PKHD1: variants seen among roughly 807,000 people sequenced by gnomAD.
PKHD1 encodes the protein fibrocystin.
Under a neutral mutation model 412.0 loss-of-function variants are expected in PKHD1, and 291 were observed. The ratio of observed to expected loss-of-function variants is 0.71; its 90% CI spans 0.64 to 0.78. PKHD1 has a LOEUF of 0.78. PKHD1 is among the 30% of genes least tolerant of loss of function. PKHD1 has a pLI of 0.00. For missense variants in PKHD1, 4,825 were observed against 4,950.7 expected (o/e 0.97, Z 0.76); for synonymous variants, 1,777 against 1,821.5 (o/e 0.98, Z 0.62).
intron 52 of PKHD1, among the ~76,000 whole-genome samples, chr6:51,821,781 G>A (rs1245381220): frequency 6.6e-6 from 1 of 152,118 alleles, no homozygotes; most frequent in Non-Finnish European, 1.5e-5. Flanking sequence ...CCACCTCCTG[G>A]GTTCAAGTGA....
At chr6:51,845,447 C>T (rs753492180) in intron 50 of PKHD1, among the ~76,000 whole-genome samples, 6 of 152,160 alleles carry the variant, frequency 3.9e-5, no homozygotes, top group East Asian at 1.9e-4. Flanking sequence ...AAAGATCCTA[C>T]GGGGAATCCC....
intron 16 of PKHD1, 132 bp from the exon 17 acceptor site, chr6:52,057,111 A>T (rs1474618892): frequency 1.4e-6 from 1 of 713,988 alleles, no homozygotes; most frequent in African/African-American, 1.8e-5. Flanking sequence ...CAATGCTTTA[A>T]CATTCAGAAA....
At position 52,045,001 on chromosome 6, in the gene PKHD1, C is replaced by T. The variant is rs1248469056; in HGVS notation, c.2680G>A (p.Gly894Arg). ...TGGTTGGCAGTAGCCAACATGTCTC[C>T]AAATATGGGTCCAAGAAAAACTCCA... The part of the protein sequence containing the change: ...DGGVFLGPIF[G>R]DMLATANQHT... The change falls in exon 25 of 67, where the codon GGA becomes AGA. Residue 894 changes from glycine to arginine, a missense_variant. Physicochemically the swap from Gly to Arg is moderately radical, Grantham distance 125 (BLOSUM62 -2). Transcript: ENST00000371117. 6.2e-7 allele frequency: 1 copy of T among 1,613,476 alleles called. No homozygotes were observed. The highest frequency in any genetic ancestry group is 8.5e-7 in the Non-Finnish European group (1 of 1,179,624).
rs1808115038 is a variant in PKHD1, at chr6:52,058,364, G to T, written c.1471C>A (p.His491Asn). Residue 491 changes from histidine to asparagine, a missense_variant, in exon 16 of 67, where the codon CAC becomes AAC. Coordinates refer to ENST00000371117, the MANE Select transcript of PKHD1 (RefSeq NM_138694.4). The stretch of plus-strand genomic sequence containing the variant: ...CTCTGGGCTCGGACTCGGATCTGGT[G>T]CTTCTCCCGTAGGTAAGTGGTGACC... ...DVVTTYLREK[H>N]QIRVRAQRLP... The T allele has an allele frequency of 6.2e-7, 1 of 1,614,158 alleles. No individual in the cohort carries two copies. Among genetic ancestry groups the T allele is most frequent in the Non-Finnish European group, 8.5e-7 (1 of 1,180,024 alleles).
intron 22 of PKHD1, 150 bp downstream of exon 22, chr6:52,050,007 A>G (rs1806525492): frequency 5.3e-6 from 4 of 758,860 alleles, no homozygotes; most frequent in Admixed American, 2.1e-5. Context: ...CAATACTTCC[A>G]GGTGAATCTG....
chr6:51,872,735 C>T (rs1776169968), intron 46 of PKHD1, among the ~76,000 whole-genome samples: 1 of 152,064 alleles, frequency 6.6e-6, no homozygotes, highest in Non-Finnish European at 1.5e-5. Context: ...GCCTCAAGAC[C>T]AGAAGGAGCT....
At chr6:51,644,361 C>A (rs1037268156) in intron 63 of PKHD1, among the ~76,000 whole-genome samples, 4 of 152,058 alleles carry the variant, frequency 2.6e-5, no homozygotes, top group Non-Finnish European at 5.9e-5. Flanking sequence ...GCAATGTGCA[C>A]CATATGATAG....
intron 65 of PKHD1, among the ~76,000 whole-genome samples, chr6:51,631,042 T>C (rs1037154018): frequency 2.0e-5 from 3 of 152,098 alleles, no homozygotes; most frequent in Admixed American, 6.6e-5. Context: ...AAAGTGGAGA[T>C]AGCAGAGCTT....
At chr6:51,804,092 T>C (rs1314492556) in intron 52 of PKHD1, among the ~76,000 whole-genome samples, 2 of 151,372 alleles carry the variant, frequency 1.3e-5, no homozygotes, top group Admixed American at 6.6e-5. Context: ...AAAATGATCA[T>C]GGCAAAGCCC....
chr6:52,028,248 C>T lies in PKHD1; in HGVS notation c.3468G>A (p.Ser1156=), dbSNP rs778487042. ...QDALAPVHTQ[S]AWGLEVALPP... ...GCAGTGCCACCTCCAGGCCCCAAGC[C>T]GACTGTGTGTGAACCGGAGCCAAGG... Residue 1156 remains serine (S), a synonymous_variant, in exon 30 of 67, where the codon TCG becomes TCA. Coordinates refer to ENST00000371117, the MANE Select transcript of PKHD1 (RefSeq NM_138694.4). 1.6e-5 allele frequency: 26 copies of T among 1,614,140 alleles called. No homozygotes were observed. Among genetic ancestry groups the T allele is most frequent in the African/African-American group, 1.3e-4 (10 of 75,026 alleles).
chr6:52,072,102 A>G lies in PKHD1; in HGVS notation c.602+13T>C. The stretch of plus-strand genomic sequence containing the variant: ...TACAAGCATGTGCATTGGCAAGATA[A>G]TAAGACACTCACCAGCTTCCCATCT... On this transcript the variant is annotated intron_variant, in intron 8 of 66. Coordinates refer to ENST00000371117, the MANE Select transcript of PKHD1 (RefSeq NM_138694.4). 3 of 1,531,496 alleles carry G rather than the reference A, an allele frequency of 2.0e-6. No homozygotes were observed. Among genetic ancestry groups the G allele is most frequent in the Non-Finnish European group, 2.7e-6 (3 of 1,104,718 alleles). The allele number at this position is 1,531,496 out of a possible 1,614,324, so 94.9% of individuals were successfully genotyped here.
chr6:51,987,147 A>G (rs1012947015), intron 35 of PKHD1, among the ~76,000 whole-genome samples: 4 of 152,248 alleles, frequency 2.6e-5, no homozygotes, highest in African/African-American at 9.6e-5. Context: ...GGTTGAGGGC[A>G]CAGCAGAATC....
intron 52 of PKHD1, among the ~76,000 whole-genome samples, chr6:51,796,780 G>A (rs968075262): frequency 6.6e-6 from 1 of 150,698 alleles, no homozygotes; most frequent in African/African-American, 2.4e-5. Flanking sequence ...GGAGGAGAAG[G>A]TTGTTCATTT....
At chr6:51,874,315 C>A (rs1354969776) in intron 46 of PKHD1, among the ~76,000 whole-genome samples, 1 of 152,066 alleles carries the variant, frequency 6.6e-6, no homozygotes, top group African/African-American at 2.4e-5. Context: ...GTTAATTAGA[C>A]AGAATGCTGG....
intron 19 of PKHD1, among the ~76,000 whole-genome samples, chr6:52,055,044 G>C (rs1207024368): frequency 6.6e-6 from 1 of 152,198 alleles, no homozygotes; most frequent in African/African-American, 2.4e-5. Context: ...GATTTAAGAA[G>C]TGTTTGCGAA....
At chr6:52,029,431 G>A (rs1040295266) in intron 29 of PKHD1, among the ~76,000 whole-genome samples, 2 of 152,114 alleles carry the variant, frequency 1.3e-5, no homozygotes, top group Non-Finnish European at 2.9e-5. Flanking sequence ...CCTCAAAGAA[G>A]CCTCAACGGT....
At chr6:51,738,437 C>T (rs73426007) in intron 60 of PKHD1, among the ~76,000 whole-genome samples, 4,295 of 152,184 alleles carry the variant, frequency 0.028, 218 homozygotes, top group African/African-American at 0.098. Flanking sequence ...TAATTCACAA[C>T]GTGAGGACCC....
intron 52 of PKHD1, among the ~76,000 whole-genome samples, chr6:51,793,110 A>C (rs1794022207): frequency 6.6e-6 from 1 of 152,208 alleles, no homozygotes; most frequent in Admixed American, 6.5e-5. Flanking sequence ...TACATACCTT[A>C]AATTCAAGAG....
intron 59 of PKHD1, among the ~76,000 whole-genome samples, chr6:51,745,061 A>G (rs1785021898): frequency 6.6e-6 from 1 of 152,158 alleles, no homozygotes; most frequent in African/African-American, 2.4e-5. Context: ...TATATAAACA[A>G]TTAATAGATA....
Sources: allele counts gnomAD v4.1 joint callset (sites outside exome capture counted in the v4.1 genomes callset), GRCh38; gene constraint gnomAD v4.1.1; transcripts MANE v1.5; gene names NCBI Gene and HGNC (gene_info 2026-07-23, HGNC 2026-07-21).